The following GRID2 variants were observed in gnomAD, a reference collection of about 807,000 sequenced individuals.
GRID2 encodes glutamate receptor ionotropic, delta-2.
A neutral mutation model predicts 114.8 loss-of-function variants in GRID2; 33 were observed. That is an observed-to-expected ratio of 0.29 (90% CI 0.22 to 0.38). GRID2 has a LOEUF of 0.38. Ranked by LOEUF, GRID2 falls within the 10% of genes least tolerant of loss-of-function variation. The probability of loss-of-function intolerance (pLI) is 1.00; values close to 1 mark genes in which losing one functional copy is unlikely to be tolerated. For missense variants in GRID2, 1,184 were observed against 1,257.7 expected, an observed-to-expected ratio of 0.94 and a Z score of 0.89; for synonymous variants, 505 against 449.9, an observed-to-expected ratio of 1.12 and a Z score of -1.55.
intron 8 of GRID2, among the ~76,000 whole-genome samples, chr4:93,376,150 C>T (rs1454311056): frequency 6.6e-6 from 1 of 152,150 alleles, no homozygotes; most frequent in Non-Finnish European, 1.5e-5. Context: ...TCTTCAAATG[C>T]ATTGTGAGGT....
chr4:92,815,467 CT>C (rs1262175497), intron 2 of GRID2, among the ~76,000 whole-genome samples: 1 of 152,064 alleles, frequency 6.6e-6, no homozygotes, highest in Non-Finnish European at 1.5e-5. Flanking sequence ...AAGTTTCTAC[CT>C]TTGAAAGGAT....
chr4:92,332,491 C>T (rs557945359), intron 1 of GRID2, among the ~76,000 whole-genome samples: 8 of 152,278 alleles, frequency 5.3e-5, no homozygotes, highest in African/African-American at 1.9e-4. Flanking sequence ...CACCCCTGGT[C>T]CCCCAAATTC....
intron 2 of GRID2, among the ~76,000 whole-genome samples, chr4:92,723,825 C>T (rs1735928047): frequency 6.6e-6 from 1 of 152,172 alleles, no homozygotes. Flanking sequence ...CCTCATGCCT[C>T]TCACATTACA....
intron 1 of GRID2, among the ~76,000 whole-genome samples, chr4:92,538,996 C>A (rs556071980): frequency 6.7e-6 from 1 of 149,522 alleles, no homozygotes; most frequent in African/African-American, 2.5e-5. Flanking sequence ...GAGCCGAGAT[C>A]ACTCCACTGC....
intron 2 of GRID2, among the ~76,000 whole-genome samples, chr4:92,602,836 A>C (rs1231720674): frequency 2.0e-5 from 3 of 152,162 alleles, no homozygotes; most frequent in African/African-American, 7.2e-5. Context: ...TTCTTAAGCT[A>C]ATAAGCAACT....
intron 14 of GRID2, among the ~76,000 whole-genome samples, chr4:93,759,451 A>G (rs1578752611): frequency 6.6e-6 from 1 of 152,248 alleles, no homozygotes; most frequent in Admixed American, 6.5e-5. Flanking sequence ...AATGTTAAAG[A>G]TTAAACAATG....
At chr4:93,739,563 C>T (rs991908390) in intron 14 of GRID2, among the ~76,000 whole-genome samples, 8 of 152,060 alleles carry the variant, frequency 5.3e-5, no homozygotes, top group African/African-American at 1.9e-4. Context: ...TGTCCTTGGT[C>T]TAATCACTCA....
At chr4:93,790,449 A>T (rs1734673259) in intron 1 of GRID2, among the ~76,000 whole-genome samples, 1 of 152,024 alleles carries the variant, frequency 6.6e-6, no homozygotes, top group Non-Finnish European at 1.5e-5. Flanking sequence ...CTTCCAAGTC[A>T]TTTATTTTAA....
chr4:93,001,578 T>C (rs1219655556), intron 2 of GRID2, among the ~76,000 whole-genome samples: 2 of 151,786 alleles, frequency 1.3e-5, no homozygotes, highest in African/African-American at 4.8e-5. Context: ...AAAATTTTCC[T>C]GTATTTAGCT....
intron 13 of GRID2, among the ~76,000 whole-genome samples, chr4:93,521,475 A>T (rs187604298): frequency 5.3e-5 from 8 of 152,266 alleles, no homozygotes; most frequent in Admixed American, 3.9e-4. Context: ...AGAAAAGAAG[A>T]ATTTCAAGAA....
intron 14 of GRID2, among the ~76,000 whole-genome samples, chr4:93,692,555 A>G (rs2110117700): frequency 6.6e-6 from 1 of 152,242 alleles, no homozygotes; most frequent in Admixed American, 6.5e-5. Flanking sequence ...TATTTGTTTC[A>G]AAATTTTCAG....
chr4:92,689,986 A>G lies in GRID2; in HGVS notation c.244+99700A>G, dbSNP rs951029264. On this transcript the variant is annotated intron_variant, in intron 2 of 15. Transcript: ENST00000282020. ...GGTTTGATCTTCAGTGATGTTCCAG[A>G]TCACTGAAACTTTCTCTACATCAGC... Among the ~76,000 whole-genome samples the G allele has an allele frequency of 2.8e-4, 43 of 152,132 alleles. 1 individual carries two copies. Among genetic ancestry groups the G allele is most frequent in the Non-Finnish European group, 1.5e-4 (10 of 68,042 alleles).
intron 1 of GRID2, among the ~76,000 whole-genome samples, chr4:92,344,560 G>A (rs1727671801): frequency 6.6e-6 from 1 of 152,210 alleles, no homozygotes; most frequent in African/African-American, 2.4e-5. Context: ...GTGCTCGACA[G>A]GGACAACTAT....
rs1270497373 is a variant in GRID2, at chr4:93,224,626, T to A, written c.976T>A (p.Tyr326Asn). Residue 326 changes from tyrosine (Y) to asparagine (N), a missense_variant, in exon 7 of 16, where the codon TAC (tyrosine) becomes AAC (asparagine). Physicochemically the swap from Tyr to Asn is moderately radical, Grantham distance 143. Coordinates refer to ENST00000282020, the MANE Select transcript of GRID2 (RefSeq NM_001510.4). The stretch of plus-strand genomic sequence containing the variant: ...AATGTCTTTTCAGATTTCCAACCTT[T>A]ACATATATGACACGGTGCTTCTGCT... ...FAQNMEISNL[Y>N]IYDTVLLLAN... is the part of the protein sequence containing the mutation. The A allele has an allele frequency of 1.2e-6, 2 of 1,608,816 alleles. No individual in the cohort carries two copies. Among genetic ancestry groups the A allele is most frequent in the Non-Finnish European group, 1.7e-6 (2 of 1,175,692 alleles).
intron 4 of GRID2, among the ~76,000 whole-genome samples, chr4:93,144,984 C>A (rs1277449825): frequency 1.3e-5 from 2 of 152,078 alleles, no homozygotes; most frequent in South Asian, 2.1e-4. Context: ...TTACCTTTAC[C>A]GACCTGATTT....
At chr4:92,803,837 T>C (rs939389049) in intron 2 of GRID2, among the ~76,000 whole-genome samples, 1 of 152,024 alleles carries the variant, frequency 6.6e-6, no homozygotes, top group African/African-American at 2.4e-5. Flanking sequence ...CAAATGACAA[T>C]GAGACTTTAT....
rs372490102 is a variant in GRID2, at chr4:93,590,875, G to A, written c.2194-35394G>A. ...TCTGTTTGTCTGTTGTTGGTGTATA[G>A]GAATGCTTGTGATTTTTGCACATTG... On this transcript the variant is annotated intron_variant, in intron 13 of 15. Transcript: ENST00000282020. 5.0e-4 allele frequency among the ~76,000 whole-genome samples: 74 copies of A among 148,614 alleles called. 1 individual carries two copies. The East Asian group carries it at 0.012, about 24-fold the overall frequency.
At chr4:93,761,930 T>C (rs1317246602) in intron 14 of GRID2, among the ~76,000 whole-genome samples, 1 of 152,216 alleles carries the variant, frequency 6.6e-6, no homozygotes, top group Non-Finnish European at 1.5e-5. Flanking sequence ...TAATATTAGA[T>C]ATGCCAATCA....
chr4:92,374,977 C>A (rs1050212878), intron 1 of GRID2, among the ~76,000 whole-genome samples: 2 of 152,092 alleles, frequency 1.3e-5, no homozygotes, highest in South Asian at 2.1e-4. Context: ...AGCCACCTTA[C>A]AAGAGAATAA....
Sources: gnomAD v4.1 joint callset for allele counts (sites outside exome capture counted in the v4.1 genomes callset) on GRCh38, gnomAD v4.1.1 for gene constraint, MANE v1.5 for transcripts, NCBI Gene and HGNC (gene_info 2026-07-23, HGNC 2026-07-21) for gene names.